The following TLL1 variants were observed in gnomAD, a reference collection of about 807,000 sequenced individuals.
TLL1 encodes the protein tolloid like 1, also known as tolloid-like protein 1.
In TLL1, 49 loss-of-function variants were observed where a neutral mutation model predicts 128.2. The observed-to-expected ratio is 0.38, with a 90% confidence interval of 0.30 to 0.48. The LOEUF (loss-of-function observed/expected upper bound fraction) is 0.48. Ranked by LOEUF, TLL1 falls within the 20% of genes least tolerant of loss-of-function variation. TLL1 has a pLI of 0.96. For synonymous variants in TLL1, 454 were observed against 418.8 expected (o/e 1.08, Z -1.03); for missense variants, 1,123 against 1,242.0 (o/e 0.90, Z 1.44).
At chr4:165,999,639 TA>T (rs1250027845) in intron 5 of TLL1, among the ~76,000 whole-genome samples, 1 of 114,430 alleles carries the variant, frequency 8.7e-6, no homozygotes, top group Non-Finnish European at 1.7e-5. Flanking sequence ...CTAATTTTTG[TA>T]TTTTTTTTTT....
At chr4:165,878,885 T>C (rs1488636968) in intron 1 of TLL1, among the ~76,000 whole-genome samples, 1 of 148,952 alleles carries the variant, frequency 6.7e-6, no homozygotes, top group East Asian at 2.0e-4. Context: ...TTAACATAAT[T>C]CCACAGCTTT....
intron 1 of TLL1, among the ~76,000 whole-genome samples, chr4:165,895,712 G>A (rs1327523741): frequency 6.8e-6 from 1 of 146,558 alleles, no homozygotes; most frequent in Non-Finnish European, 1.5e-5. Context: ...CCTAGGATAG[G>A]CAAAATAATC....
intron 1 of TLL1, among the ~76,000 whole-genome samples, chr4:165,966,840 T>C (rs977871879): frequency 1.1e-4 from 17 of 152,238 alleles, no homozygotes; most frequent in Non-Finnish European, 2.1e-4. Context: ...GAATTGCTGA[T>C]GAAGTTTTAT....
At chr4:165,883,187 G>T (rs955994920) in intron 1 of TLL1, among the ~76,000 whole-genome samples, 3 of 152,098 alleles carry the variant, frequency 2.0e-5, no homozygotes, top group Non-Finnish European at 4.4e-5. Flanking sequence ...TTCTTGTATT[G>T]AATGGCACGT....
chr4:166,047,775 C>G (rs537728917), intron 12 of TLL1, among the ~76,000 whole-genome samples: 4 of 152,190 alleles, frequency 2.6e-5, no homozygotes, highest in African/African-American at 9.6e-5. Flanking sequence ...ATCTTGATGC[C>G]TCTGTAATTA....
At chr4:165,967,382 A>G (rs563879978) in intron 1 of TLL1, among the ~76,000 whole-genome samples, 2 of 152,356 alleles carry the variant, frequency 1.3e-5, no homozygotes, top group East Asian at 3.9e-4. Flanking sequence ...CTAGGAAATT[A>G]TAAGAGCATT....
At chr4:165,999,419 G>GGA (rs1186443117) in intron 5 of TLL1, among the ~76,000 whole-genome samples, 14 of 152,120 alleles carry the variant, frequency 9.2e-5, no homozygotes, top group Middle Eastern at 3.4e-3. Flanking sequence ...CAAGGCAGCA[G>GGA]GAGAGAGAGA....
intron 1 of TLL1, among the ~76,000 whole-genome samples, chr4:165,920,896 G>C (rs1478872625): frequency 6.6e-6 from 1 of 152,074 alleles, no homozygotes; most frequent in Non-Finnish European, 1.5e-5. Flanking sequence ...TTTTTCCTTT[G>C]TCATGGCTTA....
At chr4:166,070,442 T>C (rs981182269) in intron 16 of TLL1, among the ~76,000 whole-genome samples, 2 of 152,002 alleles carry the variant, frequency 1.3e-5, no homozygotes, top group Non-Finnish European at 2.9e-5. Flanking sequence ...GAGTTGAGCA[T>C]AGGCATTCTG....
intron 15 of TLL1, 69 bp from the exon 16 acceptor site, chr4:166,065,614 T>G: frequency 6.5e-7 from 1 of 1,535,458 alleles, no homozygotes; most frequent in South Asian, 1.1e-5. Flanking sequence ...TAAGATATGT[T>G]TTTTTAAGAT....
In TLL1 at chr4:165,994,363, T is replaced by G; in HGVS notation, c.362-18T>G. 6.2e-7 allele frequency: 1 copy of G among 1,613,928 alleles called. No individual in the cohort carries two copies. The highest frequency in any genetic ancestry group is 1.7e-5 in the Admixed American group (1 of 59,988). The stretch of plus-strand genomic sequence containing the variant: ...CCAAGAACTTCTGTTTCACAGAATG[T>G]TTTAAATGTCACTGCAGGCTTGGAG... On this transcript the variant is annotated intron_variant, in intron 3 of 20. Coordinates refer to ENST00000061240, the MANE Select transcript of TLL1 (RefSeq NM_012464.5).
At chr4:166,042,505 T>G (rs940432421) in intron 11 of TLL1, among the ~76,000 whole-genome samples, 1 of 152,214 alleles carries the variant, frequency 6.6e-6, no homozygotes, top group Non-Finnish European at 1.5e-5. Flanking sequence ...CCCGAAATAC[T>G]TTTTATTAGA....
intron 19 of TLL1, among the ~76,000 whole-genome samples, chr4:166,096,555 G>A (rs1310556380): frequency 6.6e-6 from 1 of 151,954 alleles, no homozygotes; most frequent in East Asian, 1.9e-4. Context: ...GCTGGCGAAG[G>A]GTTGCTTCTT....
At chr4:165,916,955 G>GC (rs1330184215) in intron 1 of TLL1, among the ~76,000 whole-genome samples, 3 of 152,036 alleles carry the variant, frequency 2.0e-5, no homozygotes, top group African/African-American at 7.2e-5. Context: ...ATCTTCTCAT[G>GC]CCCATTTGTT....
chr4:166,096,292 T>C (rs1337545902), intron 19 of TLL1, among the ~76,000 whole-genome samples: 1 of 151,438 alleles, frequency 6.6e-6, no homozygotes, highest in Non-Finnish European at 1.5e-5. Context: ...CGGTGATCCA[T>C]AGGAATGAGG....
At chr4:166,030,661 T>A in intron 9 of TLL1, 1 of 940,578 alleles carries the variant, frequency 1.1e-6, no homozygotes, top group Non-Finnish European at 1.4e-6. Flanking sequence ...AGGTTTTTAA[T>A]CAATATTGTG....
intron 1 of TLL1, among the ~76,000 whole-genome samples, chr4:165,911,250 A>G (rs1732514142): frequency 6.6e-6 from 1 of 152,124 alleles, no homozygotes; most frequent in African/African-American, 2.4e-5. Context: ...CCATAAGATC[A>G]ACTTTTTTTT....
At chr4:166,053,834 A>G (rs1049538138) in intron 12 of TLL1, among the ~76,000 whole-genome samples, 6 of 152,182 alleles carry the variant, frequency 3.9e-5, no homozygotes, top group African/African-American at 1.4e-4. Context: ...AATTGTAGAT[A>G]TCTCTGCTTT....
intron 14 of TLL1, among the ~76,000 whole-genome samples, chr4:166,058,549 C>A (rs986347230): frequency 6.6e-6 from 1 of 152,062 alleles, no homozygotes; most frequent in Non-Finnish European, 1.5e-5. Context: ...TCTATGATCT[C>A]TTCCTTCAGA....
Sources: gnomAD v4.1 joint callset for allele counts (sites outside exome capture counted in the v4.1 genomes callset) on GRCh38, gnomAD v4.1.1 for gene constraint, MANE v1.5 for transcripts, NCBI Gene and HGNC (gene_info 2026-07-23, HGNC 2026-07-21) for gene names.